Variants in PRKCQ observed in about 807,000 individuals in gnomAD.
The protein encoded by PRKCQ is protein kinase C theta.
In PRKCQ, 41 loss-of-function variants were observed where a neutral mutation model predicts 91.2. The ratio of observed to expected loss-of-function variants is 0.45; its 90% CI spans 0.35 to 0.58. The LOEUF (loss-of-function observed/expected upper bound fraction) is 0.58. Ranked by LOEUF, PRKCQ falls within the 20% of genes least tolerant of loss-of-function variation. The pLI is 0.00. For synonymous variants in PRKCQ, 307 were observed against 316.9 expected (o/e 0.97, Z 0.33); for missense variants, 673 against 896.5 (o/e 0.75, Z 3.18).
At chr10:6,420,786 G>A in the PRKCQ span, among the ~76,000 whole-genome samples, 3 of 152,088 alleles carry the variant, frequency 2.0e-5, no homozygotes, top group Non-Finnish European at 4.4e-5. Flanking sequence ...GGCCTCTTTT[G>A]CTTTTTATGG....
In PRKCQ at chr10:6,485,265, C is replaced by T. The variant is rs549529749; in HGVS notation, c.905G>A (p.Arg302His). 4 of 1,612,980 alleles carry T rather than the reference C, an allele frequency of 2.5e-6. No homozygotes were observed. The highest frequency in any genetic ancestry group is 1.1e-5 in the South Asian group (1 of 91,016). Residue 302 changes from arginine (R) to histidine (H), a missense_variant, in exon 10 of 18, where the codon CGC (arginine) becomes CAC (histidine). Physicochemically the swap from Arg to His is conservative, Grantham distance 29. Transcript: ENST00000263125. The stretch of plus-strand genomic sequence containing the variant: ...GATCTGTTCAGTATCTCTTAAGCAG[C>T]GAGCCTGGATGACAAACAGAGAGTC... ...LAMIESTQQA[R>H]CLRDTEQIFR...
At chr10:6,457,998 T>C (rs1196711246) in intron 14 of PRKCQ, among the ~76,000 whole-genome samples, 1 of 151,922 alleles carries the variant, frequency 6.6e-6, no homozygotes, top group Non-Finnish European at 1.5e-5. Flanking sequence ...CAGGCTGGAG[T>C]GCAGTGGCAT....
At chr10:6,508,574 T>C (rs550275254) in intron 3 of PRKCQ, among the ~76,000 whole-genome samples, 11 of 152,372 alleles carry the variant, frequency 7.2e-5, no homozygotes, top group African/African-American at 2.4e-4. Flanking sequence ...TAAATTTTCA[T>C]ATGAGTTTCA....
chr10:6,433,584 T>A (rs1833524858), intron 16 of PRKCQ, among the ~76,000 whole-genome samples: 1 of 152,110 alleles, frequency 6.6e-6, no homozygotes, highest in African/African-American at 2.4e-5. Context: ...GTAAGATATA[T>A]TTTTCTGTAG....
At chr10:6,460,292 C>A (rs1350555901) in intron 14 of PRKCQ, among the ~76,000 whole-genome samples, 1 of 150,968 alleles carries the variant, frequency 6.6e-6, no homozygotes, top group Admixed American at 6.6e-5. Context: ...TTATGGACAT[C>A]TATTGCTTTT....
intron 12 of PRKCQ, among the ~76,000 whole-genome samples, chr10:6,467,335 C>CAG (rs1173010895): frequency 0.047 from 4,899 of 103,232 alleles, 332 homozygotes; most frequent in East Asian, 0.074. Context: ...GAGAGACAGA[C>CAG]AGAGAGAGAG....
At chr10:6,412,032 AC>A in the PRKCQ span, among the ~76,000 whole-genome samples, 2,870 of 152,336 alleles carry the variant, frequency 0.019, 41 homozygotes, top group Non-Finnish European at 0.025. Flanking sequence ...TAGCCTATGA[AC>A]CCAGACAATA....
intron 14 of PRKCQ, among the ~76,000 whole-genome samples, chr10:6,462,026 G>A (rs1329486997): frequency 6.6e-6 from 1 of 152,196 alleles, no homozygotes; most frequent in East Asian, 1.9e-4. Context: ...GAGAAAACAG[G>A]ACAGTGAAAA....
intron 1 of PRKCQ, among the ~76,000 whole-genome samples, chr10:6,518,155 C>G (rs1838848574): frequency 6.6e-6 from 1 of 151,968 alleles, no homozygotes; most frequent in Non-Finnish European, 1.5e-5. Flanking sequence ...AGAACTACAC[C>G]AAGCCAAAAG....
intron 1 of PRKCQ, among the ~76,000 whole-genome samples, chr10:6,523,285 A>C (rs938531819): frequency 1.3e-5 from 2 of 151,664 alleles, no homozygotes; most frequent in African/African-American, 4.9e-5. Context: ...CCCTGTCTCT[A>C]TTTTTTCTTT....
intron 10 of PRKCQ, among the ~76,000 whole-genome samples, chr10:6,484,921 T>G (rs538181163): frequency 2.6e-5 from 4 of 152,250 alleles, no homozygotes; most frequent in African/African-American, 9.6e-5. Flanking sequence ...AAGAAAACAT[T>G]TGTGGTTGTT....
chr10:6,501,774 A>T (rs543079870), intron 4 of PRKCQ, among the ~76,000 whole-genome samples: 18 of 152,242 alleles, frequency 1.2e-4, no homozygotes, highest in Non-Finnish European at 2.5e-4. Flanking sequence ...CGGCGAGCCA[A>T]CATAGCACCA....
At position 6,448,027 on chromosome 10, in the gene PRKCQ, C is replaced by T. The variant is rs1210873713; in HGVS notation, c.1648-5946G>A. On this transcript the variant is annotated intron_variant, in intron 15 of 17. Coordinates refer to ENST00000263125, the MANE Select transcript of PRKCQ (RefSeq NM_006257.5). ...TGGATGGTGGGAGGGCAGCCTCCGA[C>T]CAGGGGTGGGATTTTTCCAGGTGGA... Among the ~76,000 whole-genome samples, 3 of 152,092 alleles carry T rather than the reference C, an allele frequency of 2.0e-5. No individual in the cohort carries two copies. In the East Asian group the frequency reaches 5.8e-4, roughly 29 times the overall value.
chr10:6,496,595 T>G (rs1240127687), intron 7 of PRKCQ, among the ~76,000 whole-genome samples: 1 of 152,328 alleles, frequency 6.6e-6, no homozygotes, highest in Middle Eastern at 3.4e-3. Flanking sequence ...ATGCCATTTT[T>G]CTGGAAAAGT....
chr10:6,542,537 A>G (rs1312603875), intron 1 of PRKCQ, among the ~76,000 whole-genome samples: 2 of 152,198 alleles, frequency 1.3e-5, no homozygotes, highest in Non-Finnish European at 2.9e-5. Context: ...CATTGATAGA[A>G]ACTGTAGAGA....
chr10:6,444,960 C>G (rs1834179945), intron 15 of PRKCQ, among the ~76,000 whole-genome samples: 1 of 151,802 alleles, frequency 6.6e-6, no homozygotes, highest in Non-Finnish European at 1.5e-5. Flanking sequence ...CCCGTCTCTA[C>G]TAAAAACACA....
chr10:6,445,446 G>A (rs890736903), intron 15 of PRKCQ, among the ~76,000 whole-genome samples: 1 of 152,176 alleles, frequency 6.6e-6, no homozygotes, highest in Admixed American at 6.5e-5. Context: ...GTAGTTTTGG[G>A]AGGACCCTTT....
rs557800656 is a variant in PRKCQ at position 6,506,453 on chromosome 10, G to A, written c.379+983C>T. On this transcript the variant is annotated intron_variant, in intron 4 of 17. Coordinates refer to ENST00000263125, the MANE Select transcript of PRKCQ (RefSeq NM_006257.5). ...CTATTCACTGGTTTTTCTTCAGATC[G>A]AATAAATCTTTCGCCTTTTACTAAA... is the stretch of plus-strand genomic sequence containing the variant. Among the ~76,000 whole-genome samples the A allele has an allele frequency of 9.2e-5, 14 of 152,158 alleles. No individual in the cohort carries two copies. The South Asian group carries it at 2.1e-3, about 23-fold the overall frequency.
rs1025010272 is a variant in PRKCQ, at chr10:6,515,380, T to C, written c.-9-236A>G. ...CTTTCTGGAAGTCTGCACTCAACCT[T>C]GCTTTTGAGAAGTAACTCAAGAGTT... On this transcript the variant is annotated intron_variant, in intron 1 of 17. Transcript: ENST00000263125. The C allele has an allele frequency of 5.4e-5, 79 of 1,450,946 alleles. No individual in the cohort carries two copies. In the African/African-American group the frequency reaches 1.1e-3, roughly 20 times the overall value. The allele number at this position is 1,450,946 out of a possible 1,614,324, so 89.9% of individuals were successfully genotyped here. A position where few individuals can be genotyped will look rare whatever the true frequency, so the allele number is the denominator to read the frequency against.
Sources: allele counts gnomAD v4.1 joint callset (sites outside exome capture counted in the v4.1 genomes callset), GRCh38; gene constraint gnomAD v4.1.1; transcripts MANE v1.5; gene names NCBI Gene and HGNC (gene_info 2026-07-23, HGNC 2026-07-21).